The following GUCY2C variants were observed in gnomAD, a reference collection of about 807,000 sequenced individuals.
GUCY2C encodes guanylyl cyclase C.
A neutral mutation model predicts 131.1 loss-of-function variants in GUCY2C; 118 were observed. That is an observed-to-expected ratio of 0.90 (90% CI 0.78 to 1.05). GUCY2C has a LOEUF of 1.05. Ranked by LOEUF, GUCY2C falls within the 50% of genes least tolerant of loss-of-function variation. The pLI, the probability that GUCY2C is intolerant of heterozygous loss-of-function variation, is 0.00. For missense variants in GUCY2C, 1,161 were observed against 1,304.4 expected, an observed-to-expected ratio of 0.89 and a Z score of 1.69; for synonymous variants, 452 against 457.8, an observed-to-expected ratio of 0.99 and a Z score of 0.16.
intron 10 of GUCY2C, among the ~76,000 whole-genome samples, chr12:14,666,216 A>G (rs959161108): frequency 6.6e-6 from 1 of 152,148 alleles, no homozygotes; most frequent in Admixed American, 6.5e-5. Context: ...GGCTGGCGCC[A>G]TGACACCCAC....
chr12:14,678,533 C>T (rs1222036482), intron 6 of GUCY2C, among the ~76,000 whole-genome samples: 1 of 152,186 alleles, frequency 6.6e-6, no homozygotes, highest in African/African-American at 2.4e-5. Flanking sequence ...GCCCTCTTTC[C>T]TGTACTTCTG....
chr12:14,646,255 T>A, intron 15 of GUCY2C, among the ~76,000 whole-genome samples: 1 of 152,348 alleles, frequency 6.6e-6, no homozygotes, highest in East Asian at 1.9e-4. Flanking sequence ...GGACTCTAAC[T>A]GATAACAATA....
chr12:14,614,013 G>T (rs1026543220), intron 26 of GUCY2C, among the ~76,000 whole-genome samples: 4 of 152,064 alleles, frequency 2.6e-5, no homozygotes, highest in Non-Finnish European at 5.9e-5. Context: ...ACCCAGAACC[G>T]CAGTCTTGGG....
chr12:14,689,621 TG>T (rs1948539866), intron 1 of GUCY2C, among the ~76,000 whole-genome samples: 1 of 152,188 alleles, frequency 6.6e-6, no homozygotes, highest in Non-Finnish European at 1.5e-5. Context: ...CAGTAAATAG[TG>T]GGATCTGAAA....
intron 21 of GUCY2C, among the ~76,000 whole-genome samples, chr12:14,624,204 G>T (rs1300616955): frequency 2.0e-5 from 3 of 152,124 alleles, no homozygotes; most frequent in Non-Finnish European, 2.9e-5. Context: ...ACTTTGGGAG[G>T]CCGAGGTGGG....
At chr12:14,621,923 A>AGTTTCTGAATTG in intron 22 of GUCY2C, 82 bp downstream of exon 22, 1 of 901,236 alleles carries the variant, frequency 1.1e-6, no homozygotes, top group Non-Finnish European at 1.7e-6. Context: ...GGTCAAGAGT[A>AGTTTCTGAATTG]GTAACAGAAA....
rs2136990386 is a variant in GUCY2C at position 14,625,890 on chromosome 12, T to C, written c.2275A>G (p.Ser759Gly). 21 of 1,613,350 alleles carry C rather than the reference T, an allele frequency of 1.3e-5. No individual in the cohort carries two copies. The highest frequency in any genetic ancestry group is 1.8e-5 in the Non-Finnish European group (21 of 1,179,376). The change falls in exon 21 of 27, where the codon AGC (serine) becomes GGC (glycine). Residue 759 changes from serine to glycine, a missense_variant. Coordinates refer to ENST00000261170, the MANE Select transcript of GUCY2C (RefSeq NM_004963.4). ...CGTCGGATCAAGGTATCCATATAGC[T>C]TTCATTTTTTTGGTCATGAAAAAGT... ...FGLFHDQKNE[S>G]YMDTLIRRLQ...
intron 10 of GUCY2C, among the ~76,000 whole-genome samples, chr12:14,668,274 G>A (rs944122682): frequency 6.6e-6 from 1 of 152,124 alleles, no homozygotes. Flanking sequence ...GGGTTCAAGC[G>A]ATTCTCCTGC....
chr12:14,653,471 C>T (rs148884709), intron 12 of GUCY2C, among the ~76,000 whole-genome samples: 7 of 152,148 alleles, frequency 4.6e-5, no homozygotes, highest in African/African-American at 9.7e-5. Flanking sequence ...GGGTTCAGCC[C>T]GAAGTTGCTA....
intron 12 of GUCY2C, among the ~76,000 whole-genome samples, chr12:14,653,407 A>G (rs1045880702): frequency 3.3e-5 from 5 of 152,240 alleles, no homozygotes; most frequent in African/African-American, 1.2e-4. Flanking sequence ...CCAAGTAGCA[A>G]TGCAAATGAT....
intron 25 of GUCY2C, 102 bp from the exon 26 acceptor site, chr12:14,615,045 C>A: frequency 1.7e-6 from 1 of 583,936 alleles, no homozygotes; most frequent in Non-Finnish European, 3.0e-6. Context: ...GTTTCACTTC[C>A]GCATTTCTCA....
intron 15 of GUCY2C, among the ~76,000 whole-genome samples, chr12:14,651,009 AGT>A (rs937616560): frequency 6.6e-6 from 1 of 152,154 alleles, no homozygotes; most frequent in Non-Finnish European, 1.5e-5. Context: ...TCAGTCCAAG[AGT>A]GGAGTAATAA....
intron 22 of GUCY2C, 135 bp from the exon 23 acceptor site, chr12:14,621,351 T>G (rs1946893228): frequency 1.4e-6 from 1 of 712,756 alleles, no homozygotes; most frequent in Non-Finnish European, 2.4e-6. Flanking sequence ...ACACTTTTTC[T>G]GGGGCCAGTT....
intron 19 of GUCY2C, among the ~76,000 whole-genome samples, chr12:14,636,373 C>T (rs775598122): frequency 1.3e-5 from 2 of 152,016 alleles, no homozygotes; most frequent in Non-Finnish European, 2.9e-5. Flanking sequence ...TCATCTCAAT[C>T]GATGCAGAAA....
chr12:14,665,218 G>GAA (rs550017739), intron 10 of GUCY2C, among the ~76,000 whole-genome samples: 29 of 85,476 alleles, frequency 3.4e-4, no homozygotes, highest in East Asian at 7.3e-4. Context: ...TCCGTCTCAG[G>GAA]AAAAAAAAAA....
In GUCY2C at chr12:14,613,524, A is replaced by G. The variant is rs1946694106; in HGVS notation, c.3048-233T>C. Among the ~76,000 whole-genome samples, 1 of 152,090 alleles carries G rather than the reference A, an allele frequency of 6.6e-6. No homozygotes were observed. Among genetic ancestry groups the G allele is most frequent in the Admixed American group, 6.6e-5 (1 of 15,248 alleles). On this transcript the variant is annotated intron_variant, in intron 26 of 26. Coordinates refer to ENST00000261170, the MANE Select transcript of GUCY2C (RefSeq NM_004963.4). This position sits in a 1 kb window ranked among gnomAD's most constrained non-coding sequence, Gnocchi z 4.9. ...TCAAAGTGAAACAATATGCTGCTGG[A>G]ATTTGGAGGCATGGTTGGGAGGATC...
chr12:14,624,701 G>A (rs1946970650), intron 21 of GUCY2C, among the ~76,000 whole-genome samples: 2 of 152,128 alleles, frequency 1.3e-5, no homozygotes, highest in African/African-American at 4.8e-5. Flanking sequence ...CTGAAGCCAT[G>A]GTGTATTGTA....
intron 19 of GUCY2C, among the ~76,000 whole-genome samples, chr12:14,635,837 G>A (rs2137008956): frequency 6.6e-6 from 1 of 152,110 alleles, no homozygotes; most frequent in East Asian, 1.9e-4. Context: ...CTATATACCA[G>A]CAAACTGAAA....
At chr12:14,641,363 C>T (rs1196731397) in intron 17 of GUCY2C, 144 bp from the exon 18 acceptor site, 1 of 815,814 alleles carries the variant, frequency 1.2e-6, no homozygotes, top group Admixed American at 2.7e-5. Context: ...TGATATGATT[C>T]CAAATTTTTG....
Sources: allele counts gnomAD v4.1 joint callset (sites outside exome capture counted in the v4.1 genomes callset), GRCh38; gene constraint gnomAD v4.1.1; non-coding constraint Gnocchi (gnomAD v3.1); transcripts MANE v1.5; gene names NCBI Gene and HGNC (gene_info 2026-07-23, HGNC 2026-07-21).